Variants in CNTNAP5 observed in about 807,000 individuals in gnomAD.
CNTNAP5 encodes contactin-associated protein-like 5.
Under a neutral mutation model 150.2 loss-of-function variants are expected in CNTNAP5, and 72 were observed. The observed-to-expected ratio is 0.48, with a 90% CI of 0.40 to 0.58. The LOEUF (loss-of-function observed/expected upper bound fraction) is 0.58. CNTNAP5 is among the 20% of genes least tolerant of loss of function. The pLI is 0.00. For synonymous variants in CNTNAP5, 672 were observed against 619.8 expected, an observed-to-expected ratio of 1.08 and a Z score of -1.25; for missense variants, 1,636 against 1,626.2, an observed-to-expected ratio of 1.01 and a Z score of -0.10.
chr2:124,884,245 TTCTC>T (rs944906291), intron 21 of CNTNAP5, among the ~76,000 whole-genome samples: 2 of 152,060 alleles, frequency 1.3e-5, no homozygotes, highest in African/African-American at 2.4e-5. Context: ...GCATTCATGT[TTCTC>T]TCTGTGTGTA....
intron 3 of CNTNAP5, among the ~76,000 whole-genome samples, chr2:124,259,231 C>A (rs886907329): frequency 6.6e-6 from 1 of 152,032 alleles, no homozygotes. Context: ...TGTATATGTG[C>A]CACATTTTCT....
chr2:124,794,042 C>T (rs917086689), intron 18 of CNTNAP5, among the ~76,000 whole-genome samples: 3 of 152,256 alleles, frequency 2.0e-5, no homozygotes, highest in Admixed American at 6.5e-5. Context: ...TTGCCCATTA[C>T]ATTTTATATT....
At chr2:124,496,878 T>C (rs796950775) in intron 7 of CNTNAP5, among the ~76,000 whole-genome samples, 5 of 152,346 alleles carry the variant, frequency 3.3e-5, no homozygotes, top group African/African-American at 1.2e-4. Flanking sequence ...GTCACCTGAT[T>C]GGATTCAGAT....
intron 21 of CNTNAP5, among the ~76,000 whole-genome samples, chr2:124,878,074 GT>G (rs1677896688): frequency 2.0e-5 from 3 of 152,034 alleles, no homozygotes; most frequent in African/African-American, 7.2e-5. Context: ...CCACAGTTTG[GT>G]TTTTAAGGAA....
intron 3 of CNTNAP5, among the ~76,000 whole-genome samples, chr2:124,302,347 TC>T (rs1447459642): frequency 6.6e-6 from 1 of 152,250 alleles, no homozygotes; most frequent in Non-Finnish European, 1.5e-5. Context: ...CTTAGTTTAT[TC>T]TGCTATAACA....
intron 1 of CNTNAP5, among the ~76,000 whole-genome samples, chr2:124,209,528 T>C (rs1179001966): frequency 6.6e-6 from 1 of 152,222 alleles, no homozygotes; most frequent in African/African-American, 2.4e-5. Flanking sequence ...TAAGTCACTT[T>C]ACTGTTGCCC....
intron 1 of CNTNAP5, 109 bp downstream of exon 1, chr2:124,025,841 A>G (rs1680872230): frequency 1.0e-6 from 1 of 965,946 alleles, no homozygotes; most frequent in African/African-American, 1.6e-5. Flanking sequence ...GGCAAAGGAA[A>G]CGGAAAAAAA....
chr2:124,674,953 T>A (rs910377332), intron 13 of CNTNAP5, among the ~76,000 whole-genome samples: 40 of 152,162 alleles, frequency 2.6e-4, no homozygotes, highest in African/African-American at 9.4e-4. Context: ...ATGCATTCTG[T>A]TGCTATTTGG....
At chr2:124,497,441 C>T (rs1214129548) in intron 7 of CNTNAP5, among the ~76,000 whole-genome samples, 1 of 152,150 alleles carries the variant, frequency 6.6e-6, no homozygotes, top group Non-Finnish European at 1.5e-5. Flanking sequence ...GGATGGACTC[C>T]TAGCAGAAAT....
chr2:124,893,779 G>A (rs1678248976), intron 21 of CNTNAP5, among the ~76,000 whole-genome samples: 1 of 152,068 alleles, frequency 6.6e-6, no homozygotes. Flanking sequence ...CCAGAGAATA[G>A]TTCCACTTTT....
At chr2:124,697,081 G>A (rs550225253) in intron 13 of CNTNAP5, among the ~76,000 whole-genome samples, 1 of 152,100 alleles carries the variant, frequency 6.6e-6, no homozygotes, top group Non-Finnish European at 1.5e-5. Context: ...CAACTCAGAT[G>A]CCTTGATTTT....
chr2:124,518,080 A>T (rs979122432), intron 8 of CNTNAP5, among the ~76,000 whole-genome samples: 1 of 152,074 alleles, frequency 6.6e-6, no homozygotes, highest in Non-Finnish European at 1.5e-5. Context: ...CTCCTAACAA[A>T]TAATAAGCCA....
At chr2:124,119,405 G>A (rs992135018) in intron 1 of CNTNAP5, among the ~76,000 whole-genome samples, 17 of 147,878 alleles carry the variant, frequency 1.1e-4, no homozygotes, top group African/African-American at 4.2e-4. Context: ...GATCCTTAGA[G>A]CAATTCATGG....
At position 124,384,103 on chromosome 2, in the gene CNTNAP5, T is replaced by G. The variant is rs1690870426; in HGVS notation, c.382-33340T>G. Among the ~76,000 whole-genome samples the G allele has an allele frequency of 2.6e-5, 4 of 152,188 alleles. No individual in the cohort carries two copies. The South Asian group carries it at 8.3e-4, about 31-fold the overall frequency. ...ATAATTTTAAACATACATTATTATA[T>G]TATATATTTTAATTGGATTAGATTG... On this transcript the variant is annotated intron_variant, in intron 3 of 23. Coordinates refer to ENST00000682447, the MANE Select transcript of CNTNAP5 (RefSeq NM_001367498.1).
chr2:124,130,177 T>G (rs1425823596), intron 1 of CNTNAP5, among the ~76,000 whole-genome samples: 9 of 152,182 alleles, frequency 5.9e-5, no homozygotes, highest in Admixed American at 1.3e-4. Context: ...ACTGGTCATA[T>G]TTCATTTCAC....
At chr2:124,572,077 A>C (rs1047083713) in intron 11 of CNTNAP5, among the ~76,000 whole-genome samples, 4 of 152,156 alleles carry the variant, frequency 2.6e-5, no homozygotes, top group African/African-American at 9.7e-5. Context: ...TTTTGTCAGG[A>C]TCTAGGTGAT....
At chr2:124,599,584 G>A (rs1374512675) in intron 11 of CNTNAP5, among the ~76,000 whole-genome samples, 1 of 152,178 alleles carries the variant, frequency 6.6e-6, no homozygotes, top group Non-Finnish European at 1.5e-5. Context: ...CATAACAAAT[G>A]TGGAAGATGG....
intron 7 of CNTNAP5, among the ~76,000 whole-genome samples, chr2:124,495,337 T>C (rs1694118752): frequency 6.6e-6 from 1 of 152,220 alleles, no homozygotes; most frequent in Admixed American, 6.5e-5. Context: ...TATTAATATT[T>C]TTGAGCTTCT....
intron 1 of CNTNAP5, among the ~76,000 whole-genome samples, chr2:124,094,520 T>A (rs1180130226): frequency 1.3e-5 from 2 of 152,230 alleles, no homozygotes; most frequent in Non-Finnish European, 2.9e-5. Flanking sequence ...CATATATATG[T>A]CTAATACATT....
Sources: gnomAD v4.1 joint callset for allele counts (sites outside exome capture counted in the v4.1 genomes callset) on GRCh38, gnomAD v4.1.1 for gene constraint, MANE v1.5 for transcripts, NCBI Gene and HGNC (gene_info 2026-07-23, HGNC 2026-07-21) for gene names.